FBXW7: variants seen among roughly 807,000 people sequenced by gnomAD.
FBXW7 encodes the protein F-box/WD repeat-containing protein 7.
FBXW7 carries 11 observed loss-of-function variants against 86.3 expected under a neutral mutation model. That is an observed-to-expected ratio of 0.13 (90% confidence interval 0.08 to 0.21). The LOEUF is 0.21. Among genes scored for constraint, FBXW7 ranks in the 10% least tolerant of loss-of-function variants. The pLI, the probability that FBXW7 is intolerant of heterozygous loss-of-function variation, is 1.00. For missense variants in FBXW7, 488 were observed against 847.4 expected, an observed-to-expected ratio of 0.58 and a Z score of 5.27; for synonymous variants, 313 against 297.9, an observed-to-expected ratio of 1.05 and a Z score of -0.52.
chr4:152,521,809 ATTTT>A (rs575881137), intron 2 of FBXW7, among the ~76,000 whole-genome samples: 5 of 100,692 alleles, frequency 5.0e-5, no homozygotes, highest in African/African-American at 1.4e-4. Context: ...TAAGGGTCCA[ATTTT>A]TTTTTTTTTT....
chr4:152,484,860 G>A (rs1745207134), intron 2 of FBXW7, among the ~76,000 whole-genome samples: 1 of 151,824 alleles, frequency 6.6e-6, no homozygotes, highest in Non-Finnish European at 1.5e-5. Flanking sequence ...TACTTGGGAA[G>A]CTGAGGCAGG....
intron 4 of FBXW7, among the ~76,000 whole-genome samples, chr4:152,372,319 T>C (rs746118358): frequency 3.4e-4 from 51 of 152,086 alleles, no homozygotes; most frequent in African/African-American, 4.8e-4. Flanking sequence ...TGGGTGACAG[T>C]TGTAAAACTC....
chr4:152,349,956 T>G (rs1489264603), intron 5 of FBXW7, 86 bp downstream of exon 5: 1 of 709,094 alleles, frequency 1.4e-6, no homozygotes. Flanking sequence ...AGTAACATTA[T>G]TATTCTACAA....
At chr4:152,331,341 C>G (rs1399165144) in intron 8 of FBXW7, among the ~76,000 whole-genome samples, 1 of 151,858 alleles carries the variant, frequency 6.6e-6, no homozygotes, top group Admixed American at 6.6e-5. Flanking sequence ...AAGGGTCCAT[C>G]GAAAGATGGA....
rs529767524 is a variant in FBXW7 at position 152,458,108 on chromosome 4, C to T, written c.-119-45579G>A. Among the ~76,000 whole-genome samples, 3 of 152,262 alleles carry T rather than the reference C, an allele frequency of 2.0e-5. No homozygotes were observed. The South Asian group carries it at 6.2e-4, about 32-fold the overall frequency. On this transcript the variant is annotated intron_variant, in intron 2 of 13. Transcript: ENST00000281708. The stretch of plus-strand genomic sequence containing the variant: ...AGTCTCAGCTCACTGCAACCTCTGC[C>T]TCCCGGGTTCAAGAGATTCTCCTGC...
At chr4:152,392,847 T>C (rs192562888) in intron 4 of FBXW7, among the ~76,000 whole-genome samples, 3 of 152,300 alleles carry the variant, frequency 2.0e-5, no homozygotes, top group South Asian at 2.1e-4. Flanking sequence ...ATTTCCCACC[T>C]TGACACTCAA....
chr4:152,348,606 G>A, intron 5 of FBXW7: 2 of 358,586 alleles, frequency 5.6e-6, no homozygotes, highest in Non-Finnish European at 8.6e-6. Context: ...ACTAAAATGT[G>A]TTCTGTAATA....
chr4:152,425,142 AGGC>A (rs1739268678), intron 2 of FBXW7, among the ~76,000 whole-genome samples: 1 of 152,208 alleles, frequency 6.6e-6, no homozygotes, highest in South Asian at 2.1e-4. Context: ...AAACATCCTA[AGGC>A]ATAGATATGA....
chr4:152,375,742 A>G (rs2126755698), intron 4 of FBXW7, among the ~76,000 whole-genome samples: 1 of 152,236 alleles, frequency 6.6e-6, no homozygotes, highest in East Asian at 1.9e-4. Flanking sequence ...TTAAAATATA[A>G]TGTCTTGTAA....
rs1316700686 is a variant in FBXW7 at position 152,535,586 on chromosome 4, G to C, written c.-672C>G. ...CCCCGGGCGGGTGGCCGAGTCGGCG[G>C]CAAGGCGAGGGACCCGGCCGGCTCC... On this transcript the variant is annotated 5_prime_UTR_variant, in exon 1 of 14. Transcript: ENST00000281708. 1.0e-5 allele frequency: 4 copies of C among 396,944 alleles called. No homozygotes were observed. The highest frequency in any genetic ancestry group is 2.1e-5 in the African/African-American group (1 of 48,522). 24.6% of individuals were successfully genotyped at this position (396,944 alleles called of 1,614,324 possible).
chr4:152,491,000 G>A (rs1296772781), intron 2 of FBXW7, among the ~76,000 whole-genome samples: 1 of 152,146 alleles, frequency 6.6e-6, no homozygotes, highest in Non-Finnish European at 1.5e-5. Context: ...AATATTCTTT[G>A]TAAAGAGGAA....
chr4:152,466,179 C>A (rs1336866393), intron 2 of FBXW7, among the ~76,000 whole-genome samples: 3 of 152,160 alleles, frequency 2.0e-5, no homozygotes, highest in Non-Finnish European at 4.4e-5. Context: ...CATTATAGGT[C>A]AAAATACATG....
chr4:152,379,692 T>A (rs761186782), intron 4 of FBXW7, among the ~76,000 whole-genome samples: 3 of 152,132 alleles, frequency 2.0e-5, no homozygotes, highest in Non-Finnish European at 2.9e-5. Context: ...CTAAAAACAT[T>A]TTCATTTGAA....
chr4:152,416,630 C>T (rs76172432), intron 2 of FBXW7, among the ~76,000 whole-genome samples: 2,080 of 152,160 alleles, frequency 0.014, 26 homozygotes, highest in Middle Eastern at 0.037. Context: ...GTAATGTACA[C>T]TAACAAAATC....
chr4:152,346,836 G>T, intron 6 of FBXW7, 94 bp downstream of exon 6: 1 of 1,519,106 alleles, frequency 6.6e-7, no homozygotes, highest in South Asian at 1.2e-5. Flanking sequence ...AGTATACTAT[G>T]TAACAGTGTT....
intron 2 of FBXW7, among the ~76,000 whole-genome samples, chr4:152,429,121 C>T (rs1171507310): frequency 1.3e-5 from 2 of 151,864 alleles, no homozygotes; most frequent in African/African-American, 4.8e-5. Context: ...ACCTGGGAGG[C>T]GGAGGTTGTG....
At chr4:152,425,932 G>C (rs1253473769) in intron 2 of FBXW7, among the ~76,000 whole-genome samples, 1 of 152,182 alleles carries the variant, frequency 6.6e-6, no homozygotes, top group Non-Finnish European at 1.5e-5. Flanking sequence ...TGGACAGTCA[G>C]GGATTTTTCT....
chr4:152,489,610 A>G (rs925131652), intron 2 of FBXW7, among the ~76,000 whole-genome samples: 1 of 152,138 alleles, frequency 6.6e-6, no homozygotes, highest in Non-Finnish European at 1.5e-5. Context: ...GGAAAATATC[A>G]GTTTCCAGGA....
chr4:152,491,132 T>A (rs78117775), intron 2 of FBXW7, among the ~76,000 whole-genome samples: 2,086 of 152,222 alleles, frequency 0.014, 26 homozygotes, highest in Middle Eastern at 0.037. Flanking sequence ...ATAACACAGT[T>A]TTATTGCCCC....
Sources: allele counts gnomAD v4.1 joint callset (sites outside exome capture counted in the v4.1 genomes callset), GRCh38; gene constraint gnomAD v4.1.1; transcripts MANE v1.5; gene names NCBI Gene and HGNC (gene_info 2026-07-23, HGNC 2026-07-21).